The following LRP1B variants were observed in gnomAD, a reference collection of about 807,000 sequenced individuals.
The protein encoded by LRP1B is LDL receptor related protein 1B.
In LRP1B, 217 loss-of-function variants were observed where a neutral mutation model predicts 556.6. That is an observed-to-expected ratio of 0.39 (90% confidence interval 0.35 to 0.44). The LOEUF is 0.44. Among genes scored for constraint, LRP1B ranks in the 20% least tolerant of loss-of-function variants. The probability of loss-of-function intolerance (pLI) is 1.00; values close to 1 mark genes in which losing one functional copy is unlikely to be tolerated. For synonymous variants in LRP1B, 2,047 were observed against 1,865.8 expected (o/e 1.10, Z -2.50); for missense variants, 5,053 against 5,620.8 (o/e 0.90, Z 3.23).
At chr2:140,330,222 A>C (rs1405349221) in intron 79 of LRP1B, among the ~76,000 whole-genome samples, 51 of 143,716 alleles carry the variant, frequency 3.5e-4, no homozygotes, top group African/African-American at 1.1e-3. Context: ...AATAATAATA[A>C]TAATAATAAT....
intron 1 of LRP1B, among the ~76,000 whole-genome samples, chr2:141,829,513 T>C (rs2105743218): frequency 1.3e-5 from 2 of 152,214 alleles, no homozygotes; most frequent in East Asian, 3.9e-4. Context: ...GACTCAGAGA[T>C]ATTTAAAGTT....
In LRP1B at chr2:140,512,204, T is replaced by A. The variant is rs190243648; in HGVS notation, c.8270-2148A>T. On this transcript the variant is annotated intron_variant, in intron 51 of 90. Coordinates refer to ENST00000389484, the MANE Select transcript of LRP1B (RefSeq NM_018557.3). ...ATTACCCTATCTTTAAAATGATGGGTATGACTAGATCATTACTGAGATATC... is the reference window on the plus strand; with the variant it reads ...ATTACCCTATCTTTAAAATGATGGGAATGACTAGATCATTACTGAGATATC... 5.2e-3 allele frequency among the ~76,000 whole-genome samples: 791 copies of A among 152,272 alleles called. 6 individuals carry two copies. Among genetic ancestry groups the A allele is most frequent in the African/African-American group, 0.018 (763 of 41,538 alleles).
At chr2:141,968,875 G>T (rs1015546884) in intron 1 of LRP1B, among the ~76,000 whole-genome samples, 3 of 151,486 alleles carry the variant, frequency 2.0e-5, no homozygotes, top group African/African-American at 7.3e-5. Flanking sequence ...TTATTAATCG[G>T]CTCTCAAAAA....
chr2:141,159,576 C>A (rs10176254), intron 7 of LRP1B, among the ~76,000 whole-genome samples: 1 of 151,706 alleles, frequency 6.6e-6, no homozygotes, highest in Admixed American at 6.6e-5. Context: ...GAGGGTAATT[C>A]TTAAAAAGCA....
intron 7 of LRP1B, among the ~76,000 whole-genome samples, chr2:141,074,391 T>A (rs1699725787): frequency 6.6e-6 from 1 of 152,078 alleles, no homozygotes; most frequent in Admixed American, 6.6e-5. Context: ...TCTGTACTTC[T>A]ATAACACTGT....
intron 2 of LRP1B, among the ~76,000 whole-genome samples, chr2:141,612,032 T>C (rs2105323391): frequency 6.6e-6 from 1 of 152,350 alleles, no homozygotes; most frequent in Non-Finnish European, 1.5e-5. Flanking sequence ...CTACAATGGG[T>C]AGCGTTTTAT....
intron 1 of LRP1B, among the ~76,000 whole-genome samples, chr2:142,116,412 G>A (rs890875669): frequency 6.6e-6 from 1 of 151,948 alleles, no homozygotes; most frequent in Admixed American, 6.6e-5. Context: ...CTGACCAGCA[G>A]TCCTCAAATG....
At chr2:140,685,421 C>A (rs991780496) in intron 41 of LRP1B, among the ~76,000 whole-genome samples, 2 of 151,958 alleles carry the variant, frequency 1.3e-5, no homozygotes, top group Non-Finnish European at 2.9e-5. Flanking sequence ...TAACATAATC[C>A]TTATTTCTAA....
At chr2:141,858,006 G>T (rs1272396494) in intron 1 of LRP1B, among the ~76,000 whole-genome samples, 1 of 152,084 alleles carries the variant, frequency 6.6e-6, no homozygotes, top group Non-Finnish European at 1.5e-5. Context: ...TGCTAGAATA[G>T]AAATCTTTTG....
intron 7 of LRP1B, among the ~76,000 whole-genome samples, chr2:141,102,304 A>G (rs1700481497): frequency 6.6e-6 from 1 of 152,098 alleles, no homozygotes; most frequent in Non-Finnish European, 1.5e-5. Flanking sequence ...CCTCTAACAT[A>G]AACTTGTATT....
At chr2:142,123,801 G>C (rs1322175901) in intron 1 of LRP1B, among the ~76,000 whole-genome samples, 1 of 151,690 alleles carries the variant, frequency 6.6e-6, no homozygotes, top group Non-Finnish European at 1.5e-5. Context: ...GCTTATATCT[G>C]AGAAACTTTT....
intron 77 of LRP1B, among the ~76,000 whole-genome samples, chr2:140,339,821 G>C (rs549056566): frequency 6.6e-6 from 1 of 150,894 alleles, no homozygotes; most frequent in Admixed American, 6.7e-5. Flanking sequence ...GTTATATTTA[G>C]AGCTAGAATG....
chr2:141,685,003 C>T (rs10177354), intron 2 of LRP1B, among the ~76,000 whole-genome samples: 68,189 of 151,912 alleles, frequency 0.45, 15,873 homozygotes, highest in East Asian at 0.58. Context: ...GAGAGCCACG[C>T]AGGATTATTC....
At chr2:140,356,062 C>T (rs988282180) in intron 75 of LRP1B, among the ~76,000 whole-genome samples, 2 of 151,718 alleles carry the variant, frequency 1.3e-5, no homozygotes, top group Non-Finnish European at 2.9e-5. Flanking sequence ...CCAGGAATTT[C>T]GTTATTTGCA....
chr2:140,788,272 G>A (rs927830598), intron 32 of LRP1B, among the ~76,000 whole-genome samples: 2 of 152,138 alleles, frequency 1.3e-5, no homozygotes, highest in African/African-American at 4.8e-5. Context: ...TACTGATTCT[G>A]CTACATAAAT....
intron 41 of LRP1B, among the ~76,000 whole-genome samples, chr2:140,693,079 G>T (rs920724633): frequency 2.3e-4 from 35 of 151,960 alleles, no homozygotes; most frequent in African/African-American, 7.0e-4. Context: ...TTACATAAAA[G>T]TTATATATAA....
At chr2:140,536,164 G>T (rs925728466) in intron 46 of LRP1B, among the ~76,000 whole-genome samples, 1 of 151,296 alleles carries the variant, frequency 6.6e-6, no homozygotes, top group Non-Finnish European at 1.5e-5. Flanking sequence ...TCACATTCTG[G>T]CTGGGTGTGG....
intron 66 of LRP1B, among the ~76,000 whole-genome samples, chr2:140,422,273 T>G (rs1047560364): frequency 1.3e-5 from 2 of 152,170 alleles, no homozygotes; most frequent in African/African-American, 4.8e-5. Flanking sequence ...GTAGAATGTA[T>G]GTGAAGTTTC....
intron 7 of LRP1B, among the ~76,000 whole-genome samples, chr2:141,185,673 G>GAAAA (rs1365290510): frequency 3.4e-4 from 8 of 23,762 alleles, no homozygotes; most frequent in African/African-American, 1.1e-3. Context: ...ATGGAGAACT[G>GAAAA]AAAAACAAAC....
Sources: gnomAD v4.1 joint callset for allele counts (sites outside exome capture counted in the v4.1 genomes callset) on GRCh38, gnomAD v4.1.1 for gene constraint, MANE v1.5 for transcripts, NCBI Gene and HGNC (gene_info 2026-07-23, HGNC 2026-07-21) for gene names.